Variants in ADAM29 observed in about 807,000 individuals in gnomAD.
ADAM29 encodes disintegrin and metalloproteinase domain-containing protein 29.
For missense variants in ADAM29, 969 were observed against 1,001.8 expected, an observed-to-expected ratio of 0.97 and a Z score of 0.44; for synonymous variants, 367 against 342.3, an observed-to-expected ratio of 1.07 and a Z score of -0.80.
chr4:174,954,758 C>T (rs550548428), intron 4 of ADAM29, among the ~76,000 whole-genome samples: 9 of 152,212 alleles, frequency 5.9e-5, no homozygotes, highest in African/African-American at 1.9e-4. Context: ...GCTGTAAAAA[C>T]TGAGATGATC....
At chr4:174,957,135 G>A (rs1745554679) in intron 4 of ADAM29, among the ~76,000 whole-genome samples, 1 of 151,768 alleles carries the variant, frequency 6.6e-6, no homozygotes, top group Non-Finnish European at 1.5e-5. Flanking sequence ...GCATTTATGC[G>A]ATAGGAAAAC....
rs1746996264 is a variant in ADAM29 at position 174,977,927 on chromosome 4, C to T, written c.2402C>T (p.Pro801Leu). The T allele has an allele frequency of 6.3e-7, 1 of 1,578,390 alleles. No individual in the cohort carries two copies. The highest frequency in any genetic ancestry group is 8.6e-7 in the Non-Finnish European group (1 of 1,157,014). ...TCCCAGAGTCAACCTCCTGTGACAC[C>T]CTCCCAGAGGCAACCTCAGTTGATG... ...TPSQSQPPVT[P>L]SQRQPQLMPS... Residue 801 changes from proline to leucine, a missense_variant, in exon 5 of 5, where the codon CCC becomes CTC. Physicochemically the swap from Pro to Leu is moderately conservative, Grantham distance 98. Coordinates refer to ENST00000359240, the MANE Select transcript of ADAM29 (RefSeq NM_014269.4).
intron 3 of ADAM29, among the ~76,000 whole-genome samples, chr4:174,934,551 G>A (rs111335282): frequency 0.012 from 1,847 of 151,896 alleles, 28 homozygotes; most frequent in African/African-American, 0.026. Flanking sequence ...AAATTTTAAC[G>A]CTGATATTGC....
chr4:174,922,760 C>G (rs1743237424), intron 2 of ADAM29, among the ~76,000 whole-genome samples: 1 of 151,274 alleles, frequency 6.6e-6, no homozygotes, highest in African/African-American at 2.4e-5. Context: ...GTTATTTTAT[C>G]CCCCCACTAT....
At position 174,977,510 on chromosome 4, in the gene ADAM29, T is replaced by C; in HGVS notation, c.1985T>C (p.Val662Ala). 6.2e-7 allele frequency: 1 copy of C among 1,614,240 alleles called. No individual in the cohort carries two copies. Among genetic ancestry groups the C allele is most frequent in the Non-Finnish European group, 8.5e-7 (1 of 1,180,054 alleles). The change falls in exon 5 of 5, where the codon GTT becomes GCT. Residue 662 changes from valine to alanine, a missense_variant. Transcript: ENST00000359240. ...CTGATAAAAGGCTATGGAGGTAGTG[T>C]TGACAGTGGCCCACCCCCTAAGAGA... ...NCLIKGYGGS[V>A]DSGPPPKRKK... is the part of the protein sequence containing the mutation.
At chr4:174,939,249 A>G (rs1035481562) in intron 4 of ADAM29, among the ~76,000 whole-genome samples, 2 of 152,200 alleles carry the variant, frequency 1.3e-5, no homozygotes, top group Non-Finnish European at 2.9e-5. Flanking sequence ...TAGTACTCAT[A>G]AAGATATACT....
At chr4:174,954,248 C>T (rs13142092) in intron 4 of ADAM29, among the ~76,000 whole-genome samples, 63,373 of 151,656 alleles carry the variant, frequency 0.42, 13,740 homozygotes, top group African/African-American at 0.53. Context: ...TAATCAGTCC[C>T]TTTGCCTCTC....
chr4:174,953,184 G>A (rs943165187), intron 4 of ADAM29, among the ~76,000 whole-genome samples: 3 of 152,104 alleles, frequency 2.0e-5, no homozygotes, highest in African/African-American at 7.2e-5. Flanking sequence ...TACTTGGGAG[G>A]CTGAGGCAGG....
At chr4:174,933,827 A>G (rs1336404249) in intron 3 of ADAM29, among the ~76,000 whole-genome samples, 1 of 152,178 alleles carries the variant, frequency 6.6e-6, no homozygotes, top group Non-Finnish European at 1.5e-5. Flanking sequence ...TTATGCCTGC[A>G]CAGTATTCCA....
At chr4:174,962,395 C>A (rs1240589656) in intron 4 of ADAM29, among the ~76,000 whole-genome samples, 1 of 151,766 alleles carries the variant, frequency 6.6e-6, no homozygotes, top group African/African-American at 2.4e-5. Flanking sequence ...GCCTGTAGTC[C>A]CAGCTACTCG....
intron 4 of ADAM29, among the ~76,000 whole-genome samples, chr4:174,968,771 CCA>C (rs36211576): frequency 0.021 from 3,103 of 148,670 alleles, 46 homozygotes; most frequent in South Asian, 0.078. Flanking sequence ...CACTTTCCGC[CCA>C]CACACACACA....
intron 4 of ADAM29, among the ~76,000 whole-genome samples, chr4:174,939,327 G>A (rs769495958): frequency 1.3e-5 from 2 of 152,034 alleles, no homozygotes; most frequent in Admixed American, 6.6e-5. Context: ...TACTGATGTC[G>A]GCTAAGAAGA....
chr4:174,951,686 G>A (rs559406097), intron 4 of ADAM29, among the ~76,000 whole-genome samples: 61 of 152,246 alleles, frequency 4.0e-4, no homozygotes, highest in Non-Finnish European at 5.7e-4. Flanking sequence ...CAGAGAAAAT[G>A]GATGATTAGC....
At chr4:174,959,698 G>A (rs1429899062) in intron 4 of ADAM29, among the ~76,000 whole-genome samples, 5 of 151,226 alleles carry the variant, frequency 3.3e-5, no homozygotes, top group African/African-American at 1.2e-4. Context: ...TCTTCTCTTT[G>A]TACTTCAATT....
chr4:174,946,130 A>G (rs1209562153), intron 4 of ADAM29, among the ~76,000 whole-genome samples: 1 of 152,124 alleles, frequency 6.6e-6, no homozygotes, highest in Non-Finnish European at 1.5e-5. Context: ...TGAGCACAGA[A>G]AGTTTTTCCA....
At chr4:174,966,166 A>G (rs1746147190) in intron 4 of ADAM29, among the ~76,000 whole-genome samples, 1 of 152,222 alleles carries the variant, frequency 6.6e-6, no homozygotes, top group Non-Finnish European at 1.5e-5. Flanking sequence ...TTTAGGGGGT[A>G]AATGACAAGA....
intron 4 of ADAM29, among the ~76,000 whole-genome samples, chr4:174,969,784 TATC>T (rs1374520789): frequency 5.9e-5 from 9 of 152,224 alleles, no homozygotes; most frequent in Non-Finnish European, 8.8e-5. Context: ...AAAAATGAAA[TATC>T]ATTAATTTAT....
rs1331318464 is a variant in ADAM29, at chr4:174,975,396, T to C, written c.-130T>C. The C allele has an allele frequency of 2.7e-6, 2 of 745,738 alleles. No individual in the cohort carries two copies. Among genetic ancestry groups the C allele is most frequent in the East Asian group, 5.6e-5 (2 of 35,914 alleles). The allele number at this position is 745,738 out of a possible 1,614,324, so 46.2% of individuals were successfully genotyped here. On this transcript the variant is annotated 5_prime_UTR_variant, in exon 5 of 5. Coordinates refer to ENST00000359240, the MANE Select transcript of ADAM29 (RefSeq NM_014269.4). ...TGCCAAAAGATGGATCTTTAATGAT[T>C]AGCACTACACACTGACCAACTCAGA...
At chr4:174,971,871 G>A (rs1746498244) in intron 4 of ADAM29, among the ~76,000 whole-genome samples, 1 of 152,046 alleles carries the variant, frequency 6.6e-6, no homozygotes, top group African/African-American at 2.4e-5. Context: ...AGTTTCTTAA[G>A]TTTTCTCCAC....
Sources: allele counts gnomAD v4.1 joint callset (sites outside exome capture counted in the v4.1 genomes callset), GRCh38; gene constraint gnomAD v4.1.1; transcripts MANE v1.5; gene names NCBI Gene and HGNC (gene_info 2026-07-23, HGNC 2026-07-21).